Variants in ACVR1 observed in about 807,000 individuals in gnomAD.
ACVR1 encodes activin A receptor type 1.
ACVR1 carries 38 observed loss-of-function variants against 57.1 expected under a neutral mutation model. The ratio of observed to expected loss-of-function variants is 0.67; its 90% CI spans 0.51 to 0.87. The LOEUF is 0.87. Among genes scored for constraint, ACVR1 ranks in the 40% least tolerant of loss-of-function variants. The pLI is 0.00. For missense variants in ACVR1, 463 were observed against 638.2 expected (o/e 0.73, Z 2.96); for synonymous variants, 212 against 228.1 (o/e 0.93, Z 0.63).
chr2:157,840,833 G>C (rs571203994), intron 1 of ACVR1, among the ~76,000 whole-genome samples: 1 of 152,374 alleles, frequency 6.6e-6, no homozygotes, highest in African/African-American at 2.4e-5. Flanking sequence ...ACATCCTGCA[G>C]CCGTCCACTT....
chr2:157,768,241 T>TAAA (rs1685943470), intron 7 of ACVR1, among the ~76,000 whole-genome samples: 1 of 152,188 alleles, frequency 6.6e-6, no homozygotes, highest in African/African-American at 2.4e-5. Flanking sequence ...CCCTCGATGC[T>TAAA]GCTTCTCTTG....
chr2:157,789,313 C>A (rs185530769), intron 3 of ACVR1, among the ~76,000 whole-genome samples: 1 of 152,308 alleles, frequency 6.6e-6, no homozygotes, highest in African/African-American at 2.4e-5. Flanking sequence ...AAACCATTCC[C>A]AGTTTCCACA....
At chr2:157,782,549 C>T (rs1230571284) in intron 3 of ACVR1, among the ~76,000 whole-genome samples, 1 of 152,194 alleles carries the variant, frequency 6.6e-6, no homozygotes, top group African/African-American at 2.4e-5. Flanking sequence ...TTGACATAAT[C>T]CAGCAAAAAG....
chr2:157,792,767 T>C (rs1686966825), intron 3 of ACVR1, among the ~76,000 whole-genome samples: 1 of 152,240 alleles, frequency 6.6e-6, no homozygotes, highest in Non-Finnish European at 1.5e-5. Context: ...TAAGAGTAAT[T>C]ACTGTTTCAT....
chr2:157,786,495 A>T (rs1686715038), intron 3 of ACVR1, among the ~76,000 whole-genome samples: 1 of 152,232 alleles, frequency 6.6e-6, no homozygotes. Context: ...TTAGTCACCA[A>T]GCCGGCATGC....
At chr2:157,754,628 T>A (rs982235871) in intron 9 of ACVR1, among the ~76,000 whole-genome samples, 2 of 151,756 alleles carry the variant, frequency 1.3e-5, no homozygotes, top group African/African-American at 4.8e-5. Flanking sequence ...AAATTACCAA[T>A]GAAAAAAAAG....
At chr2:157,851,140 G>A (rs1421692060) in intron 1 of ACVR1, among the ~76,000 whole-genome samples, 1 of 152,002 alleles carries the variant, frequency 6.6e-6, no homozygotes, top group African/African-American at 2.4e-5. Context: ...AACTGCTATG[G>A]GCAGGACCTA....
chr2:157,796,221 C>CAAA (rs71404304), intron 3 of ACVR1, among the ~76,000 whole-genome samples: 37 of 119,802 alleles, frequency 3.1e-4, no homozygotes, highest in Admixed American at 5.8e-4. Context: ...GACTCTGCCT[C>CAAA]AAAAAAAAAA....
At chr2:157,773,794 G>A (rs1686162898) in intron 6 of ACVR1, among the ~76,000 whole-genome samples, 1 of 152,178 alleles carries the variant, frequency 6.6e-6, no homozygotes, top group Non-Finnish European at 1.5e-5. Context: ...ATGGTAAGGA[G>A]CAACCATATC....
At chr2:157,857,326 C>A (rs1007194236) in intron 1 of ACVR1, among the ~76,000 whole-genome samples, 4 of 152,048 alleles carry the variant, frequency 2.6e-5, no homozygotes, top group Admixed American at 2.0e-4. Context: ...GGCTCTCCTA[C>A]CCATCTCCGA....
At chr2:157,786,744 G>A (rs1447637089) in intron 3 of ACVR1, among the ~76,000 whole-genome samples, 3 of 152,128 alleles carry the variant, frequency 2.0e-5, no homozygotes, top group Non-Finnish European at 4.4e-5. Context: ...TTGATTTGAG[G>A]ACTCTGGGCT....
chr2:157,812,796 A>G (rs2105322538), intron 2 of ACVR1, among the ~76,000 whole-genome samples: 1 of 152,290 alleles, frequency 6.6e-6, no homozygotes, highest in South Asian at 2.1e-4. Flanking sequence ...TTAATAGAAT[A>G]GCAAAATAAG....
chr2:157,781,448 T>G (rs934975606), intron 3 of ACVR1, among the ~76,000 whole-genome samples: 1 of 152,210 alleles, frequency 6.6e-6, no homozygotes, highest in African/African-American at 2.4e-5. Context: ...CTAGACTAAC[T>G]TTTTCACTAG....
At position 157,825,814 on chromosome 2, in the gene ACVR1, A is replaced by G. The variant is rs532017994; in HGVS notation, c.-182-7255T>C. On this transcript the variant is annotated intron_variant, in intron 1 of 10. Transcript: ENST00000434821. The stretch of plus-strand genomic sequence containing the variant: ...CTCAGCGAAGAATCAGAGCATCTTG[A>G]GTGAAGAGGGATTGAGAACAAGTGG... Among the ~76,000 whole-genome samples, 4 of 152,284 alleles carry G rather than the reference A, an allele frequency of 2.6e-5. No homozygotes were observed. The South Asian group carries it at 8.3e-4, about 32-fold the overall frequency.
chr2:157,786,156 C>T (rs1233601217), intron 3 of ACVR1, among the ~76,000 whole-genome samples: 1 of 152,198 alleles, frequency 6.6e-6, no homozygotes, highest in African/African-American at 2.4e-5. Context: ...CTCAGAGAAG[C>T]CTTTGTTCAC....
chr2:157,737,762 CAG>C (rs1684591387), intron 10 of ACVR1, 97 bp from the exon 11 acceptor site: 1 of 1,503,012 alleles, frequency 6.7e-7, no homozygotes, highest in South Asian at 1.1e-5. Flanking sequence ...GAAGAACTCG[CAG>C]GTCTTGTGAA....
chr2:157,859,663 C>T (rs2105375266), intron 1 of ACVR1, among the ~76,000 whole-genome samples: 1 of 152,208 alleles, frequency 6.6e-6, no homozygotes, highest in East Asian at 1.9e-4. Context: ...TCAATCACCA[C>T]ATCTCATGGG....
rs550116705 is a variant in ACVR1, at chr2:157,777,125, T to G, written c.543+1006A>C. ...TCTATTTAGAGCAAGTGATACCCTT[T>G]CCCCACTTAAAGTTCAAAGCGTCTT... On this transcript the variant is annotated intron_variant, in intron 5 of 10. Transcript: ENST00000434821. Among the ~76,000 whole-genome samples the G allele has an allele frequency of 4.6e-5, 7 of 152,284 alleles. No homozygotes were observed. In the South Asian group the frequency reaches 8.3e-4, roughly 18 times the overall value.
intron 1 of ACVR1, among the ~76,000 whole-genome samples, chr2:157,828,449 C>CAA (rs369753645): frequency 0.67 from 56,189 of 84,076 alleles, 19,175 homozygotes; most frequent in South Asian, 0.79. Flanking sequence ...GACTCCGTCT[C>CAA]AAAAAAAAAA....
Sources: gnomAD v4.1 joint callset for allele counts (sites outside exome capture counted in the v4.1 genomes callset) on GRCh38, gnomAD v4.1.1 for gene constraint, MANE v1.5 for transcripts, NCBI Gene and HGNC (gene_info 2026-07-23, HGNC 2026-07-21) for gene names.